KLHL7: variants seen among roughly 807,000 people sequenced by gnomAD.
KLHL7 encodes kelch like family member 7.
KLHL7 carries 44 observed loss-of-function variants against 67.4 expected under a neutral mutation model. That is an observed-to-expected ratio of 0.65 (90% CI 0.51 to 0.84). KLHL7 has a LOEUF of 0.84. Ranked by LOEUF, KLHL7 falls within the 40% of genes least tolerant of loss-of-function variation. The pLI, the probability that KLHL7 is intolerant of heterozygous loss-of-function variation, is 0.00. For synonymous variants in KLHL7, 252 were observed against 243.3 expected (o/e 1.04, Z -0.33); for missense variants, 362 against 718.1 (o/e 0.50, Z 5.67).
intron 4 of KLHL7, among the ~76,000 whole-genome samples, chr7:23,140,308 A>C (rs1011663473): frequency 2.6e-5 from 4 of 152,234 alleles, no homozygotes; most frequent in African/African-American, 9.6e-5. Context: ...TAATCCCAGC[A>C]CTTTGGGAGG....
Position 23,140,961 on chromosome 7 carries a change from C to T in KLHL7, c.618+17C>T. ...GAGGATCAGGTGACTAAATTGCCTTCTCACATTTTTCTTAATAAAAATGTC... is the reference window on the plus strand; with the variant it reads ...GAGGATCAGGTGACTAAATTGCCTTTTCACATTTTTCTTAATAAAAATGTC... On this transcript the variant is annotated intron_variant, in intron 5 of 10. Coordinates refer to ENST00000339077, the MANE Select transcript of KLHL7 (RefSeq NM_001031710.3). 6.2e-7 allele frequency: 1 copy of T among 1,609,040 alleles called. No individual in the cohort carries two copies. Among genetic ancestry groups the T allele is most frequent in the Admixed American group, 1.7e-5 (1 of 60,022 alleles).
chr7:23,167,365 T>G (rs181248840), intron 8 of KLHL7, among the ~76,000 whole-genome samples: 88 of 152,298 alleles, frequency 5.8e-4, no homozygotes, highest in African/African-American at 2.1e-3. Flanking sequence ...AATATAATTT[T>G]GTTAATGGTG....
chr7:23,149,634 T>G (rs1784469897), intron 6 of KLHL7, among the ~76,000 whole-genome samples: 1 of 152,226 alleles, frequency 6.6e-6, no homozygotes, highest in Admixed American at 6.5e-5. Flanking sequence ...GAAGCACACT[T>G]CAAGAACTAC....
intron 4 of KLHL7, among the ~76,000 whole-genome samples, chr7:23,138,831 G>A (rs1784079344): frequency 6.6e-6 from 1 of 152,054 alleles, no homozygotes; most frequent in Admixed American, 6.6e-5. Context: ...CCACCATGAA[G>A]ATGTATTTCT....
chr7:23,156,414 A>G (rs1336046306), intron 7 of KLHL7, among the ~76,000 whole-genome samples: 1 of 152,210 alleles, frequency 6.6e-6, no homozygotes, highest in African/African-American at 2.4e-5. Context: ...TAAAAGAGTT[A>G]TGTATTCAGT....
chr7:23,119,950 G>T (rs991862341), intron 1 of KLHL7, among the ~76,000 whole-genome samples: 1 of 152,024 alleles, frequency 6.6e-6, no homozygotes, highest in South Asian at 2.1e-4. Flanking sequence ...GATTTCCAGA[G>T]CAAGGTTGAA....
chr7:23,113,646 C>T (rs1415654575), intron 1 of KLHL7, among the ~76,000 whole-genome samples: 2 of 152,190 alleles, frequency 1.3e-5, no homozygotes, highest in South Asian at 4.1e-4. Flanking sequence ...ACCTGGCCAA[C>T]ATGGTGAAAC....
At chr7:23,113,645 A>G (rs970535332) in intron 1 of KLHL7, among the ~76,000 whole-genome samples, 2 of 152,350 alleles carry the variant, frequency 1.3e-5, no homozygotes, top group East Asian at 1.9e-4. Context: ...AACCTGGCCA[A>G]CATGGTGAAA....
chr7:23,138,857 C>A (rs1784080139), intron 4 of KLHL7, among the ~76,000 whole-genome samples: 2 of 152,046 alleles, frequency 1.3e-5, no homozygotes, highest in Admixed American at 1.3e-4. Context: ...GTGCTCCAGG[C>A]TTGAAGGCTT....
At chr7:23,167,231 A>G (rs897143134) in intron 8 of KLHL7, among the ~76,000 whole-genome samples, 5 of 152,090 alleles carry the variant, frequency 3.3e-5, no homozygotes, top group African/African-American at 1.2e-4. Flanking sequence ...TGATGAATGT[A>G]TGTTTTGCCT....
intron 6 of KLHL7, among the ~76,000 whole-genome samples, chr7:23,149,552 A>G (rs746517222): frequency 2.6e-5 from 4 of 152,214 alleles, no homozygotes; most frequent in Non-Finnish European, 5.9e-5. Context: ...TCTGATTCAG[A>G]AGGTCTGGGT....
At chr7:23,142,658 C>T (rs1784227055) in intron 5 of KLHL7, among the ~76,000 whole-genome samples, 1 of 152,096 alleles carries the variant, frequency 6.6e-6, no homozygotes, top group Non-Finnish European at 1.5e-5. Flanking sequence ...TGATCGTCCT[C>T]CTAAAAAACC....
At chr7:23,172,258 C>G (rs548991191) in intron 9 of KLHL7, 3 of 441,808 alleles carry the variant, frequency 6.8e-6, no homozygotes, top group African/African-American at 6.1e-5. Flanking sequence ...TGTATATATG[C>G]ATAATGCTGC....
At chr7:23,171,199 A>G in intron 9 of KLHL7, 1 of 340,232 alleles carries the variant, frequency 2.9e-6, no homozygotes. Context: ...AAACGCTTCT[A>G]AACATTAAAC....
At chr7:23,160,709 A>G (rs6960118) in intron 7 of KLHL7, among the ~76,000 whole-genome samples, 141,442 of 152,236 alleles carry the variant, frequency 0.93, 65,849 homozygotes, top group East Asian at 0.99. Context: ...AGTTACAAGG[A>G]TATTTTTCCT....
intron 4 of KLHL7, among the ~76,000 whole-genome samples, chr7:23,132,320 T>C (rs2128462378): frequency 6.6e-6 from 1 of 152,370 alleles, no homozygotes; most frequent in South Asian, 2.1e-4. Flanking sequence ...GCATTTGTTA[T>C]TAACTATCTT....
At chr7:23,108,861 C>T (rs745429017) in intron 1 of KLHL7, among the ~76,000 whole-genome samples, 4 of 152,296 alleles carry the variant, frequency 2.6e-5, no homozygotes, top group Admixed American at 6.5e-5. Context: ...CTGTGTGTAG[C>T]GCTACTTCAT....
At position 23,117,453 on chromosome 7, in the gene KLHL7, T is replaced by C. The variant is rs188258631; in HGVS notation, c.121-6324T>C. ...GTCCATAACACCTTCCTTGAATAAA[T>C]AACAAAAATAGCTTTTTTTTCTTAG... On this transcript the variant is annotated intron_variant, in intron 1 of 10. Coordinates refer to ENST00000339077, the MANE Select transcript of KLHL7 (RefSeq NM_001031710.3). Among the ~76,000 whole-genome samples, 20 of 152,238 alleles carry C rather than the reference T, an allele frequency of 1.3e-4. No homozygotes were observed. In the East Asian group the frequency reaches 3.5e-3, roughly 26 times the overall value.
intron 4 of KLHL7, among the ~76,000 whole-genome samples, chr7:23,137,242 G>A (rs113846935): frequency 0.074 from 11,203 of 152,182 alleles, 1,162 homozygotes; most frequent in African/African-American, 0.23. Context: ...CTGAGATTGC[G>A]CCATTGCACT....
Sources: allele counts gnomAD v4.1 joint callset (sites outside exome capture counted in the v4.1 genomes callset), GRCh38; gene constraint gnomAD v4.1.1; transcripts MANE v1.5; gene names NCBI Gene and HGNC (gene_info 2026-07-23, HGNC 2026-07-21).